The following VEGFC variants were observed in gnomAD, a reference collection of about 807,000 sequenced individuals.
VEGFC encodes the protein vascular endothelial growth factor C.
VEGFC carries 12 observed loss-of-function variants against 46.1 expected under a neutral mutation model. The ratio of observed to expected loss-of-function variants is 0.26; its 90% CI spans 0.17 to 0.42. The LOEUF (loss-of-function observed/expected upper bound fraction) is 0.42. VEGFC is among the 10% of genes least tolerant of loss of function. The pLI, the probability that VEGFC is intolerant of heterozygous loss-of-function variation, is 1.00. For synonymous variants in VEGFC, 232 were observed against 195.5 expected (o/e 1.19, Z -1.56); for missense variants, 488 against 529.4 (o/e 0.92, Z 0.77).
chr4:176,792,034 G>A lies in VEGFC; in HGVS notation c.147+131C>T. The A allele has an allele frequency of 8.1e-7, 1 of 1,231,990 alleles. No homozygotes were observed. Among genetic ancestry groups the A allele is most frequent in the Non-Finnish European group, 1.0e-6 (1 of 955,788 alleles). The allele number at this position is 1,231,990 out of a possible 1,614,324, so 76.3% of individuals were successfully genotyped here. A position where few individuals can be genotyped will look rare whatever the true frequency, so the allele number is the denominator to read the frequency against. On this transcript the variant is annotated intron_variant, in intron 1 of 6. Transcript: ENST00000618562. The surrounding 1 kb of genome is among the most constrained non-coding windows in gnomAD (Gnocchi z 6.3). ...ATTTTTCTCCAAAGCAGCGTGCACT[G>A]AGCTCAGTAACTTTGGATCCCACGT...
intron 1 of VEGFC, among the ~76,000 whole-genome samples, chr4:176,761,066 C>T (rs1359981518): frequency 6.6e-6 from 1 of 152,122 alleles, no homozygotes; most frequent in Non-Finnish European, 1.5e-5. Context: ...TCTGTATTTT[C>T]TTGTGATTGA....
intron 1 of VEGFC, among the ~76,000 whole-genome samples, chr4:176,758,687 C>A (rs973205376): frequency 1.3e-5 from 2 of 152,096 alleles, no homozygotes; most frequent in African/African-American, 4.8e-5. Context: ...CTAGTGATTA[C>A]TTTAGTTTGT....
At chr4:176,715,023 CT>C (rs1311725104) in intron 3 of VEGFC, among the ~76,000 whole-genome samples, 1 of 151,658 alleles carries the variant, frequency 6.6e-6, no homozygotes, top group African/African-American at 2.4e-5. Context: ...AGAGAACTGT[CT>C]TTTCCTCTAA....
chr4:176,748,045 C>T (rs916189237), intron 1 of VEGFC, among the ~76,000 whole-genome samples: 1 of 151,880 alleles, frequency 6.6e-6, no homozygotes, highest in East Asian at 1.9e-4. Flanking sequence ...TTAAAATATA[C>T]CTTGAGGCAT....
intron 1 of VEGFC, among the ~76,000 whole-genome samples, chr4:176,759,187 A>T (rs1735484835): frequency 6.6e-6 from 1 of 152,178 alleles, no homozygotes; most frequent in Non-Finnish European, 1.5e-5. Context: ...AATTAAATGT[A>T]ATAGACTACC....
chr4:176,722,989 G>GAT (rs1734814496), intron 3 of VEGFC, among the ~76,000 whole-genome samples: 1 of 152,032 alleles, frequency 6.6e-6, no homozygotes, highest in Non-Finnish European at 1.5e-5. Flanking sequence ...AAACTCAAAT[G>GAT]GTTAATAGAA....
At chr4:176,684,812 G>A (rs888935948) in intron 6 of VEGFC, among the ~76,000 whole-genome samples, 2 of 152,148 alleles carry the variant, frequency 1.3e-5, no homozygotes, top group Admixed American at 1.3e-4. Context: ...TGCAACCTCC[G>A]CCTCCTGGGC....
Position 176,774,184 on chromosome 4 carries a change from G to A in VEGFC, c.147+17981C>T, listed in dbSNP as rs140084620. Among the ~76,000 whole-genome samples, 128 of 152,134 alleles carry A rather than the reference G, an allele frequency of 8.4e-4. 1 individual carries two copies. Among genetic ancestry groups the A allele is most frequent in the African/African-American group, 2.8e-3 (118 of 41,496 alleles). On this transcript the variant is annotated intron_variant, in intron 1 of 6. Coordinates refer to ENST00000618562, the MANE Select transcript of VEGFC (RefSeq NM_005429.5). ...ATATTATACAGTTTATTTATGATAT[G>A]TCACTACTTGCAATTATTAAATAAT...
chr4:176,689,991 C>A (rs988981162), intron 4 of VEGFC, among the ~76,000 whole-genome samples: 2 of 152,108 alleles, frequency 1.3e-5, no homozygotes, highest in African/African-American at 4.8e-5. Flanking sequence ...CCATTTAGAA[C>A]AGAAATGTGC....
At chr4:176,721,962 T>C (rs1400378570) in intron 3 of VEGFC, among the ~76,000 whole-genome samples, 1 of 152,178 alleles carries the variant, frequency 6.6e-6, no homozygotes, top group Non-Finnish European at 1.5e-5. Flanking sequence ...AGAAATACCA[T>C]ATTTTTGATG....
chr4:176,699,693 G>T (rs1299147746), intron 4 of VEGFC, among the ~76,000 whole-genome samples: 1 of 152,164 alleles, frequency 6.6e-6, no homozygotes, highest in Non-Finnish European at 1.5e-5. Context: ...AGACTGATTT[G>T]CTTACACTTT....
At chr4:176,779,108 T>C (rs1735864803) in intron 1 of VEGFC, among the ~76,000 whole-genome samples, 1 of 152,186 alleles carries the variant, frequency 6.6e-6, no homozygotes, top group South Asian at 2.1e-4. Flanking sequence ...AACTAGCTAA[T>C]ATTACATTAA....
At position 176,729,601 on chromosome 4, in the gene VEGFC, T is replaced by G. The variant is rs1165015280; in HGVS notation, c.293A>C (p.Asn98Thr). ...GGWQHNREQA[N>T]LNSRTEETIK... ...AGTCTCTTCTGTCCTTGAGTTGAGG[T>G]TGGCCTGTTCTCTGTTATGTTGCCA... The change falls in exon 2 of 7, where the codon AAC becomes ACC. Residue 98 changes from asparagine (N) to threonine (T), a missense_variant. Transcript: ENST00000618562. The G allele has an allele frequency of 1.9e-6, 3 of 1,613,884 alleles. No individual in the cohort carries two copies. The highest frequency in any genetic ancestry group is 2.5e-6 in the Non-Finnish European group (3 of 1,179,912).
In VEGFC at chr4:176,760,658, C is replaced by T. The variant is rs183382421; in HGVS notation, c.148-30912G>A. On this transcript the variant is annotated intron_variant, in intron 1 of 6. Transcript: ENST00000618562. ...ATATCTATGCCAGAATTTTTTCATA[C>T]GAGCTAAAGCTGTTCTCTAAAACAC... Among the ~76,000 whole-genome samples the T allele has an allele frequency of 3.3e-3, 501 of 152,278 alleles. 5 individuals are homozygous for T. The highest frequency in any genetic ancestry group is 7.7e-3 in the Admixed American group (118 of 15,288).
chr4:176,740,000 C>A (rs2877965), intron 1 of VEGFC, among the ~76,000 whole-genome samples: 682 of 9,594 alleles, frequency 0.071, 44 homozygotes, highest in Non-Finnish European at 0.23. Context: ...TTCGATATAT[C>A]GAATATATAT....
chr4:176,723,321 GTATA>G (rs1019773234), intron 3 of VEGFC, among the ~76,000 whole-genome samples: 1 of 151,866 alleles, frequency 6.6e-6, no homozygotes, highest in Non-Finnish European at 1.5e-5. Flanking sequence ...ATATACATAT[GTATA>G]TATATACATA....
intron 4 of VEGFC, among the ~76,000 whole-genome samples, chr4:176,701,111 C>T (rs1369262296): frequency 1.3e-5 from 2 of 152,148 alleles, no homozygotes; most frequent in Admixed American, 6.5e-5. Flanking sequence ...TTTTAGTTAA[C>T]GATCACATGT....
rs1188265060 is a variant in VEGFC at position 176,729,510 on chromosome 4, T to C, written c.361+23A>G. Reference sequence around the variant, plus strand: ...CTGGTTTGATATATAAGGCTTACTATACATTTTATTTCCCATACTTACTTT... The same window carrying C: ...CTGGTTTGATATATAAGGCTTACTACACATTTTATTTCCCATACTTACTTT... On this transcript the variant is annotated intron_variant, in intron 2 of 6. Transcript: ENST00000618562. 6 of 1,602,520 alleles carry C rather than the reference T, an allele frequency of 3.7e-6. No homozygotes were observed. The Admixed American group carries it at 5.1e-5, about 14-fold the overall frequency.
intron 1 of VEGFC, among the ~76,000 whole-genome samples, chr4:176,788,963 C>T (rs536754487): frequency 7.2e-5 from 11 of 152,202 alleles, no homozygotes; most frequent in South Asian, 2.1e-4. Flanking sequence ...AAGCTCTTTG[C>T]GAAGTGCTTA....
Sources: gnomAD v4.1 joint callset for allele counts (sites outside exome capture counted in the v4.1 genomes callset) on GRCh38, gnomAD v4.1.1 for gene constraint, Gnocchi (gnomAD v3.1) non-coding constraint, MANE v1.5 for transcripts, NCBI Gene and HGNC (gene_info 2026-07-23, HGNC 2026-07-21) for gene names.